The following TSC22D1 variants were observed in gnomAD, a reference collection of about 807,000 sequenced individuals.
The protein encoded by TSC22D1 is TSC22 domain family protein 1.
TSC22D1 carries 9 observed loss-of-function variants against 74.2 expected under a neutral mutation model. That is an observed-to-expected ratio of 0.12 (90% confidence interval 0.07 to 0.21). The LOEUF (loss-of-function observed/expected upper bound fraction) is 0.21. Ranked by LOEUF, TSC22D1 falls within the 10% of genes least tolerant of loss-of-function variation. TSC22D1 has a pLI of 1.00. For missense variants in TSC22D1, 1,427 were observed against 1,304.7 expected, an observed-to-expected ratio of 1.09 and a Z score of -1.44; for synonymous variants, 586 against 492.5, an observed-to-expected ratio of 1.19 and a Z score of -2.51.
intron 1 of TSC22D1, among the ~76,000 whole-genome samples, chr13:44,524,274 A>G (rs1238662215): frequency 6.6e-6 from 1 of 151,702 alleles, no homozygotes; most frequent in Non-Finnish European, 1.5e-5. Context: ...TCCACACAAC[A>G]GAAAAAAAAA....
intron 1 of TSC22D1, among the ~76,000 whole-genome samples, chr13:44,485,433 TAA>T (rs1566134894): frequency 6.6e-6 from 1 of 152,182 alleles, no homozygotes; most frequent in African/African-American, 2.4e-5. Flanking sequence ...ACAAGGTTAT[TAA>T]AAGTGTTTTT....
At chr13:44,551,897 T>C (rs1256230077) in intron 1 of TSC22D1, among the ~76,000 whole-genome samples, 1 of 152,176 alleles carries the variant, frequency 6.6e-6, no homozygotes, top group African/African-American at 2.4e-5. Flanking sequence ...CAAGGCCCTG[T>C]GTCTAAAAAT....
chr13:44,505,645 T>C lies in TSC22D1; in HGVS notation c.2912+67518A>G, dbSNP rs1879413134. Among the ~76,000 whole-genome samples, 3 of 152,230 alleles carry C rather than the reference T, an allele frequency of 2.0e-5. No homozygotes were observed. In the South Asian group the frequency reaches 6.2e-4, roughly 32 times the overall value. On this transcript the variant is annotated intron_variant, in intron 1 of 2. Coordinates refer to ENST00000458659, the MANE Select transcript of TSC22D1 (RefSeq NM_183422.4). ...ACAAGGAAACAACATATTCTGCTAT[T>C]AAATTATCCCAGAAAAAACTCTGTG... is the stretch of plus-strand genomic sequence containing the variant.
intron 1 of TSC22D1, among the ~76,000 whole-genome samples, chr13:44,521,936 T>C (rs1880336286): frequency 6.6e-6 from 1 of 151,244 alleles, no homozygotes; most frequent in African/African-American, 2.4e-5. Flanking sequence ...TGGCGCCTAC[T>C]GTGTAGCAGC....
chr13:44,514,254 A>G (rs954397894), intron 1 of TSC22D1, among the ~76,000 whole-genome samples: 1 of 151,456 alleles, frequency 6.6e-6, no homozygotes, highest in Non-Finnish European at 1.5e-5. Context: ...TTTATGTAGG[A>G]AAAAAAAAGA....
chr13:44,481,485 A>G (rs1311131075), intron 1 of TSC22D1, among the ~76,000 whole-genome samples: 1 of 152,210 alleles, frequency 6.6e-6, no homozygotes, highest in African/African-American at 2.4e-5. Context: ...GCTATTTACC[A>G]TTTGACATAG....
At chr13:44,529,465 C>T (rs1000847688) in intron 1 of TSC22D1, among the ~76,000 whole-genome samples, 5 of 152,098 alleles carry the variant, frequency 3.3e-5, no homozygotes, top group African/African-American at 9.7e-5. Context: ...CAGTGAACAT[C>T]TCACTTACTG....
rs1433726707 is a variant in TSC22D1 at position 44,517,786 on chromosome 13, TATAC to T, written c.2912+55373_2912+55376del. 2.6e-4 allele frequency among the ~76,000 whole-genome samples: 35 copies of T among 132,526 alleles called. 1 individual carries two copies. The highest frequency in any genetic ancestry group is 8.3e-4 in the African/African-American group (30 of 36,250). 86.9% of individuals were successfully genotyped at this position (132,526 alleles called of 152,430 possible). A position where few individuals can be genotyped will look rare whatever the true frequency, so the allele number is the denominator to read the frequency against. On this transcript the variant is annotated intron_variant, in intron 1 of 2. Coordinates refer to ENST00000458659, the MANE Select transcript of TSC22D1 (RefSeq NM_183422.4). The stretch of plus-strand genomic sequence containing the variant: ...GTGTATATATATATATACACATATA[TATAC>T]ATATATATACACACATATATATGTG...
At chr13:44,487,841 C>T (rs1878516056) in intron 1 of TSC22D1, among the ~76,000 whole-genome samples, 1 of 152,052 alleles carries the variant, frequency 6.6e-6, no homozygotes, top group Non-Finnish European at 1.5e-5. Context: ...CGGATCACTT[C>T]AGGCCAGGAG....
chr13:44,504,623 A>AT (rs1491548540), intron 1 of TSC22D1, among the ~76,000 whole-genome samples: 4 of 141,060 alleles, frequency 2.8e-5, no homozygotes, highest in African/African-American at 1.0e-4. Context: ...AAAAAAAAAA[A>AT]TTTTCAAGCA....
At chr13:44,439,848 A>G (rs1242631732) in intron 1 of TSC22D1, among the ~76,000 whole-genome samples, 5 of 152,216 alleles carry the variant, frequency 3.3e-5, no homozygotes, top group Admixed American at 3.3e-4. Flanking sequence ...TTCCTGTAAC[A>G]TGTGCTTTTC....
chr13:44,449,285 A>G (rs1397770778), intron 1 of TSC22D1, among the ~76,000 whole-genome samples: 1 of 152,228 alleles, frequency 6.6e-6, no homozygotes, highest in Non-Finnish European at 1.5e-5. Flanking sequence ...AAAGGGGCTC[A>G]CCACAGACAC....
chr13:44,478,923 ATGTG>A lies in TSC22D1; in HGVS notation c.2913-42832_2913-42829del, dbSNP rs1878048258. 3.3e-5 allele frequency among the ~76,000 whole-genome samples: 5 copies of A among 152,026 alleles called. No individual in the cohort carries two copies. The South Asian group carries it at 1.0e-3, about 32-fold the overall frequency. ...TGTGTGTGTGTGTGTGTATTTATGT[ATGTG>A]TGTATGTTTACGTGTGTGTTTGTGT... On this transcript the variant is annotated intron_variant, in intron 1 of 2. Coordinates refer to ENST00000458659, the MANE Select transcript of TSC22D1 (RefSeq NM_183422.4).
At position 44,523,968 on chromosome 13, in the gene TSC22D1, C is replaced by T. The variant is rs112866380; in HGVS notation, c.2912+49195G>A. On this transcript the variant is annotated intron_variant, in intron 1 of 2. Transcript: ENST00000458659. ...CTTTAGCAAAATATAAGAGATAGACCCATCCTCTAGAGAACAATGAGAAAA... is the reference window on the plus strand; with the variant it reads ...CTTTAGCAAAATATAAGAGATAGACTCATCCTCTAGAGAACAATGAGAAAA... 3.0e-4 allele frequency among the ~76,000 whole-genome samples: 46 copies of T among 151,828 alleles called. 1 individual carries two copies. Among genetic ancestry groups the T allele is most frequent in the African/African-American group, 1.1e-3 (46 of 41,392 alleles).
chr13:44,479,324 T>TTC (rs1878071280), intron 1 of TSC22D1, among the ~76,000 whole-genome samples: 1 of 145,378 alleles, frequency 6.9e-6, no homozygotes, highest in Non-Finnish European at 1.5e-5. Flanking sequence ...TTTCTGTGAT[T>TTC]TTTTTTTTTT....
intron 1 of TSC22D1, among the ~76,000 whole-genome samples, chr13:44,448,861 C>A (rs571744355): frequency 1.7e-4 from 25 of 150,892 alleles, no homozygotes; most frequent in Non-Finnish European, 2.8e-4. Context: ...ATATAGTGTG[C>A]CCTAGAAGTG....
chr13:44,517,309 T>A (rs1880037835), intron 1 of TSC22D1, among the ~76,000 whole-genome samples: 1 of 149,646 alleles, frequency 6.7e-6, no homozygotes, highest in South Asian at 2.1e-4. Context: ...ATAGTAACCA[T>A]CGTTACCGTA....
chr13:44,546,749 C>CGTGTGTGTGTGTGT lies in TSC22D1; in HGVS notation c.2912+26400_2912+26413dup, dbSNP rs58111185. On this transcript the variant is annotated intron_variant, in intron 1 of 2. Transcript: ENST00000458659. ...GTATATGGGAATTCTGTGTGAAATA[C>CGTGTGTGTGTGTGT]GTGTGTGTGTGTGTGTGTGTGTGTG... is the stretch of plus-strand genomic sequence containing the variant. 1.9e-3 allele frequency among the ~76,000 whole-genome samples: 275 copies of CGTGTGTGTGTGTGT among 146,736 alleles called. 1 individual carries two copies. The highest frequency in any genetic ancestry group is 5.6e-3 in the African/African-American group (225 of 40,186).
intron 1 of TSC22D1, among the ~76,000 whole-genome samples, chr13:44,444,237 C>A (rs1875429398): frequency 1.6e-5 from 2 of 121,538 alleles, no homozygotes; most frequent in East Asian, 2.5e-4. Context: ...CAAGATTGCA[C>A]CACTGTACTC....
Sources: allele counts gnomAD v4.1 joint callset (sites outside exome capture counted in the v4.1 genomes callset), GRCh38; gene constraint gnomAD v4.1.1; transcripts MANE v1.5; gene names NCBI Gene and HGNC (gene_info 2026-07-23, HGNC 2026-07-21).